INTU: variants seen among roughly 807,000 people sequenced by gnomAD.
INTU encodes protein inturned.
In INTU, 68 loss-of-function variants were observed where a neutral mutation model predicts 100.5. That is an observed-to-expected ratio of 0.68 (90% CI 0.56 to 0.83). The LOEUF (loss-of-function observed/expected upper bound fraction) is 0.83. INTU is among the 40% of genes least tolerant of loss of function. INTU has a pLI of 0.00. For missense variants in INTU, 1,071 were observed against 1,114.7 expected (o/e 0.96, Z 0.56); for synonymous variants, 357 against 395.7 (o/e 0.90, Z 1.16).
chr4:127,651,650 G>T (rs1441323720), intron 2 of INTU, among the ~76,000 whole-genome samples: 3 of 152,058 alleles, frequency 2.0e-5, no homozygotes, highest in East Asian at 1.9e-4. Flanking sequence ...AGTCAGGTAG[G>T]GTGATGCCTA....
At chr4:127,687,986 C>A in intron 8 of INTU, 119 bp downstream of exon 8, 1 of 656,222 alleles carries the variant, frequency 1.5e-6, no homozygotes, top group Non-Finnish European at 2.3e-6. Flanking sequence ...ATTAAAGAGG[C>A]AATTGGTTGA....
intron 6 of INTU, 92 bp from the exon 7 acceptor site, chr4:127,684,317 C>T (rs751439218): frequency 3.5e-4 from 248 of 712,770 alleles, no homozygotes; most frequent in Non-Finnish European, 5.2e-4. Context: ...TTTCACATTC[C>T]GTATGTGTAA....
In INTU at chr4:127,726,502, A is replaced by G. The variant is rs1037666100; in HGVS notation, c.*10066A>G. On this transcript the variant is annotated 3_prime_UTR_variant, in exon 16 of 16. Transcript: ENST00000335251. ...AGTAGTCAGCTAAATCATACCTGCTACTGTACAAAATGTAGGGGAAAAGCT... is the reference window on the plus strand; with the variant it reads ...AGTAGTCAGCTAAATCATACCTGCTGCTGTACAAAATGTAGGGGAAAAGCT... The G allele has an allele frequency of 1.1e-4, 16 of 152,222 alleles. No homozygotes were observed. The highest frequency in any genetic ancestry group is 2.1e-4 in the Non-Finnish European group (14 of 68,042). 9.4% of individuals were successfully genotyped at this position (152,222 alleles called of 1,614,324 possible). A position where few individuals can be genotyped will look rare whatever the true frequency, so the allele number is the denominator to read the frequency against.
In INTU at chr4:127,656,701, T is replaced by C. The variant is rs1258349412; in HGVS notation, c.748T>C (p.Cys250Arg). The C allele has an allele frequency of 6.2e-7, 1 of 1,608,942 alleles. No individual in the cohort carries two copies. Among genetic ancestry groups the C allele is most frequent in the Non-Finnish European group, 8.5e-7 (1 of 1,176,048 alleles). The change falls in exon 3 of 16, where the codon TGC becomes CGC. Residue 250 changes from cysteine to arginine, a missense_variant. Physicochemically the swap from Cys to Arg is radical, Grantham distance 180. Transcript: ENST00000335251. ...TTENIERVLS[C>R]IPGPMQVKLT... ...TGAAAACATCGAGAGAGTTCTGTCT[T>C]GCATTCCTGGACCTATGCAGGTATG...
chr4:127,714,165 C>A, intron 15 of INTU, 72 bp downstream of exon 15: 1 of 1,279,150 alleles, frequency 7.8e-7, no homozygotes, highest in Non-Finnish European at 1.1e-6. Context: ...AGGAGATTAA[C>A]ATTTTAAAAT....
chr4:127,675,565 A>G (rs1729137085), intron 6 of INTU, among the ~76,000 whole-genome samples: 1 of 152,224 alleles, frequency 6.6e-6, no homozygotes. Context: ...GGAATCCAGG[A>G]GTAATCTAGC....
Position 127,674,126 on chromosome 4 carries a change from C to T in INTU, c.1094C>T (p.Ser365Leu). 3 of 1,600,918 alleles carry T rather than the reference C, an allele frequency of 1.9e-6. No homozygotes were observed. Among genetic ancestry groups the T allele is most frequent in the Non-Finnish European group, 1.7e-6 (2 of 1,170,532 alleles). ...ATTTTGAATATATTGTTTCTTAGTT[C>T]ATCCCTCCTTTTAAATGGAAAACAA... Reference protein sequence around the residue: ...ENVTGTQVTSSSLLLNGKQIH... With the variant: ...ENVTGTQVTSLSLLLNGKQIH... Residue 365 changes from serine (S) to leucine (L), a missense_variant and splice_region_variant, in exon 6 of 16, where the codon TCA (serine) becomes TTA (leucine). Physicochemically the swap from Ser to Leu is moderately radical, Grantham distance 145 (BLOSUM62 -2). Coordinates refer to ENST00000335251, the MANE Select transcript of INTU (RefSeq NM_015693.4).
intron 15 of INTU, among the ~76,000 whole-genome samples, 189 bp downstream of exon 15, chr4:127,714,282 C>T (rs1731188989): frequency 6.6e-6 from 1 of 152,004 alleles, no homozygotes; most frequent in African/African-American, 2.4e-5. Flanking sequence ...TGAAAATTAT[C>T]TTACAAAATT....
chr4:127,689,389 C>A (rs1183907505), intron 8 of INTU, among the ~76,000 whole-genome samples: 3 of 152,104 alleles, frequency 2.0e-5, no homozygotes, highest in Non-Finnish European at 4.4e-5. Flanking sequence ...GTGGCTCATG[C>A]CTGTAATCCT....
intron 2 of INTU, 61 bp from the exon 3 acceptor site, chr4:127,656,575 C>G (rs543500146): frequency 5.0e-6 from 6 of 1,202,992 alleles, no homozygotes; most frequent in Non-Finnish European, 7.4e-6. Context: ...TGTTCCAATT[C>G]TAGACCTCTA....
chr4:127,704,258 T>TC lies in INTU; in HGVS notation c.1534_1535insC (p.Tyr512SerfsTer23). 3 of 1,611,192 alleles carry TC rather than the reference T, an allele frequency of 1.9e-6. No individual in the cohort carries two copies. Among genetic ancestry groups the TC allele is most frequent in the Non-Finnish European group, 2.5e-6 (3 of 1,178,412 alleles). On this transcript the variant is annotated frameshift_variant, in exon 10 of 16. Transcript: ENST00000335251. LOFTEE classifies it high-confidence loss of function. ...GGATTACTATGACATGAGGCGGCTGTATACAATTTTGGGGTCTTCTCTATT... is the reference window on the plus strand; with the variant it reads ...GGATTACTATGACATGAGGCGGCTGTCATACAATTTTGGGGTCTTCTCTATT...
chr4:127,711,697 G>A (rs1731102125), intron 14 of INTU, among the ~76,000 whole-genome samples: 3 of 152,130 alleles, frequency 2.0e-5, no homozygotes. Flanking sequence ...GAGGGATCTA[G>A]GCTGTGCACT....
intron 9 of INTU, among the ~76,000 whole-genome samples, chr4:127,701,497 A>G (rs1425274123): frequency 1.3e-5 from 2 of 152,180 alleles, no homozygotes; most frequent in Non-Finnish European, 1.5e-5. Context: ...ACTGGGTATT[A>G]GATGAAAATA....
At chr4:127,656,089 G>C (rs1448226666) in intron 2 of INTU, among the ~76,000 whole-genome samples, 1 of 152,152 alleles carries the variant, frequency 6.6e-6, no homozygotes, top group Non-Finnish European at 1.5e-5. Context: ...GCTTGCACAC[G>C]GTGTGCGCAC....
chr4:127,653,875 C>G (rs1386350420), intron 2 of INTU, among the ~76,000 whole-genome samples: 5 of 151,752 alleles, frequency 3.3e-5, no homozygotes, highest in African/African-American at 1.2e-4. Context: ...TTGTAGGTCA[C>G]TCAGGACTTG....
In INTU at chr4:127,711,033, G is replaced by A; in HGVS notation, c.2490G>A (p.Gln830=). The A allele has an allele frequency of 6.2e-7, 1 of 1,609,308 alleles. No individual in the cohort carries two copies. Among genetic ancestry groups the A allele is most frequent in the Admixed American group, 1.7e-5 (1 of 59,884 alleles). The part of the protein sequence containing the change: ...VAQLSGSIHP[Q]LIKNFHQCCL... ...AGCTAAGTGGCTCTATCCACCCTCA[G>A]CTAATAAAGAATTTCCATCAGTGTT... The change falls in exon 14 of 16, where the codon CAG becomes CAA. Residue 830 remains glutamine (Q), a synonymous_variant. Coordinates refer to ENST00000335251, the MANE Select transcript of INTU (RefSeq NM_015693.4).
At chr4:127,676,607 G>C (rs1729202071) in intron 6 of INTU, among the ~76,000 whole-genome samples, 1 of 148,866 alleles carries the variant, frequency 6.7e-6, no homozygotes, top group Admixed American at 6.7e-5. Context: ...AAAAGAGAGA[G>C]AGAGGTGGGA....
chr4:127,681,526 G>A (rs1729549210), intron 6 of INTU, among the ~76,000 whole-genome samples: 1 of 152,154 alleles, frequency 6.6e-6, no homozygotes, highest in African/African-American at 2.4e-5. Context: ...TTAATAAATG[G>A]TGCTGGGAAA....
At chr4:127,667,028 T>C (rs975775928) in intron 4 of INTU, among the ~76,000 whole-genome samples, 37 of 152,286 alleles carry the variant, frequency 2.4e-4, no homozygotes, top group African/African-American at 8.7e-4. Flanking sequence ...ATAATTCTAA[T>C]TTCTTGTGTG....
Sources: gnomAD v4.1 joint callset for allele counts (sites outside exome capture counted in the v4.1 genomes callset) on GRCh38, gnomAD v4.1.1 for gene constraint, MANE v1.5 for transcripts, NCBI Gene and HGNC (gene_info 2026-07-23, HGNC 2026-07-21) for gene names.